Variants in SHB observed in about 807,000 individuals in gnomAD.
The protein encoded by SHB is SH2 domain containing adaptor protein B.
In SHB, 20 loss-of-function variants were observed where a neutral mutation model predicts 52.3. That is an observed-to-expected ratio of 0.38 (90% CI 0.27 to 0.56). The LOEUF (loss-of-function observed/expected upper bound fraction) is 0.56, where lower values mean the gene tolerates loss of function less well. SHB is among the 20% of genes least tolerant of loss of function. The pLI is 0.71. For missense variants in SHB, 825 were observed against 723.3 expected, an observed-to-expected ratio of 1.14 and a Z score of -1.61; for synonymous variants, 397 against 316.5, an observed-to-expected ratio of 1.25 and a Z score of -2.70.
intron 1 of SHB, among the ~76,000 whole-genome samples, chr9:38,020,039 A>G (rs11792678): frequency 0.071 from 10,883 of 152,296 alleles, 491 homozygotes; most frequent in South Asian, 0.11. Flanking sequence ...CTGTATCTCT[A>G]TTAAGTTAAA....
At chr9:37,942,537 C>T (rs992746365) in intron 5 of SHB, among the ~76,000 whole-genome samples, 1 of 152,156 alleles carries the variant, frequency 6.6e-6, no homozygotes, top group East Asian at 1.9e-4. Context: ...CTGCTGCTTC[C>T]GTGGTGATTT....
At chr9:37,950,187 C>T (rs1387660287) in intron 4 of SHB, among the ~76,000 whole-genome samples, 2 of 152,184 alleles carry the variant, frequency 1.3e-5, no homozygotes, top group Non-Finnish European at 2.9e-5. Flanking sequence ...ATCCTCCCAC[C>T]CCACCTCCCA....
chr9:38,059,646 A>G (rs1381343725), intron 1 of SHB, among the ~76,000 whole-genome samples: 1 of 152,206 alleles, frequency 6.6e-6, no homozygotes, highest in Non-Finnish European at 1.5e-5. Flanking sequence ...GGTCTCAGCA[A>G]AGTGTTTCAG....
intron 2 of SHB, among the ~76,000 whole-genome samples, chr9:37,984,229 C>T (rs937009950): frequency 2.6e-5 from 4 of 152,194 alleles, no homozygotes; most frequent in African/African-American, 9.7e-5. Context: ...CTGTCTTTGC[C>T]CACAGAGCCA....
At chr9:38,057,807 A>T (rs1821840208) in intron 1 of SHB, among the ~76,000 whole-genome samples, 1 of 152,218 alleles carries the variant, frequency 6.6e-6, no homozygotes, top group Non-Finnish European at 1.5e-5. Context: ...TTCTCCCCAT[A>T]GCCCATGTAC....
rs1000899100 is a variant in SHB at position 37,965,852 on chromosome 9, G to A, written c.1054+8770C>T. Among the ~76,000 whole-genome samples, 9 of 152,160 alleles carry A rather than the reference G, an allele frequency of 5.9e-5. No homozygotes were observed. In the South Asian group the frequency reaches 1.9e-3, roughly 32 times the overall value. ...GTTTCCTCATCTGTACAGTGGGGGCGGTACTATGCACTGAGAGTTGGGGGC... is the reference window on the plus strand; with the variant it reads ...GTTTCCTCATCTGTACAGTGGGGGCAGTACTATGCACTGAGAGTTGGGGGC... On this transcript the variant is annotated intron_variant, in intron 3 of 5. Transcript: ENST00000377707.
intron 5 of SHB, among the ~76,000 whole-genome samples, chr9:37,943,421 A>G (rs1046427533): frequency 5.9e-5 from 9 of 152,300 alleles, no homozygotes; most frequent in African/African-American, 2.2e-4. Flanking sequence ...GGCAGAGCTC[A>G]TTGGCTGGGC....
At chr9:38,042,789 A>G (rs550043608) in intron 1 of SHB, among the ~76,000 whole-genome samples, 8 of 152,246 alleles carry the variant, frequency 5.3e-5, no homozygotes, top group African/African-American at 1.9e-4. Flanking sequence ...TCGAAGTCGA[A>G]TTCCTGTTAA....
At chr9:38,025,228 C>T (rs10973641) in intron 1 of SHB, among the ~76,000 whole-genome samples, 26,860 of 152,124 alleles carry the variant, frequency 0.18, 2,399 homozygotes, top group South Asian at 0.21. Context: ...AGGTGGGCTC[C>T]GGGCCAGGCT....
intron 5 of SHB, among the ~76,000 whole-genome samples, chr9:37,937,884 C>T (rs894976978): frequency 1.3e-5 from 2 of 152,166 alleles, no homozygotes; most frequent in African/African-American, 4.8e-5. Flanking sequence ...GGTCCTCTTG[C>T]CTTCCTGTGC....
chr9:38,024,154 C>A (rs187692717), intron 1 of SHB, among the ~76,000 whole-genome samples: 2 of 152,358 alleles, frequency 1.3e-5, no homozygotes, highest in South Asian at 4.1e-4. Flanking sequence ...AAGGCCCCTG[C>A]CAAGTACTCC....
At chr9:38,045,944 C>T (rs1353181449) in intron 1 of SHB, among the ~76,000 whole-genome samples, 1 of 152,110 alleles carries the variant, frequency 6.6e-6, no homozygotes, top group Non-Finnish European at 1.5e-5. Context: ...TGAAAAGAGG[C>T]ACCAGGCACA....
At chr9:38,051,524 G>GTCT (rs1393741088) in intron 1 of SHB, among the ~76,000 whole-genome samples, 2 of 151,820 alleles carry the variant, frequency 1.3e-5, no homozygotes, top group Non-Finnish European at 2.9e-5. Context: ...CGGGTTGAGT[G>GTCT]TCTGCACTTT....
chr9:38,032,371 C>T (rs1821426675), intron 1 of SHB, among the ~76,000 whole-genome samples: 1 of 152,224 alleles, frequency 6.6e-6, no homozygotes, highest in African/African-American at 2.4e-5. Context: ...TCTGGCTCTC[C>T]TGGGCTACCT....
At position 37,917,688 on chromosome 9, in the gene SHB, T is replaced by TC. The variant is rs1412594541; in HGVS notation, c.*2132dup. Among the ~76,000 whole-genome samples, 1 of 152,064 alleles carries TC rather than the reference T, an allele frequency of 6.6e-6. No homozygotes were observed. The highest frequency in any genetic ancestry group is 6.6e-5 in the Admixed American group (1 of 15,264). On this transcript the variant is annotated 3_prime_UTR_variant, in exon 6 of 6. Coordinates refer to ENST00000377707, the MANE Select transcript of SHB (RefSeq NM_003028.3). ...TGTCATTTCCCACCTACCTTCCCACTCCCCCAAAGGAAAGCACGAATCGTT... is the reference window on the plus strand; with the variant it reads ...TGTCATTTCCCACCTACCTTCCCACTCCCCCCAAAGGAAAGCACGAATCGTT...
chr9:38,020,734 C>T (rs984864817), intron 1 of SHB, among the ~76,000 whole-genome samples: 2 of 152,192 alleles, frequency 1.3e-5, no homozygotes, highest in East Asian at 3.9e-4. Context: ...CAAACACCAC[C>T]TGTTCTCCAA....
At chr9:37,964,714 A>G (rs1587216687) in intron 3 of SHB, among the ~76,000 whole-genome samples, 1 of 152,268 alleles carries the variant, frequency 6.6e-6, no homozygotes, top group Non-Finnish European at 1.5e-5. Context: ...TGAGTGCAAT[A>G]CAGTCTCAAA....
At chr9:37,991,568 C>T (rs1044360931) in intron 2 of SHB, among the ~76,000 whole-genome samples, 1 of 152,056 alleles carries the variant, frequency 6.6e-6, no homozygotes, top group Non-Finnish European at 1.5e-5. Context: ...CAGAGGTACT[C>T]GATTATTAAA....
chr9:37,938,368 G>A (rs527295869), intron 5 of SHB, among the ~76,000 whole-genome samples: 25 of 152,282 alleles, frequency 1.6e-4, no homozygotes, highest in African/African-American at 4.8e-4. Flanking sequence ...AGCTGTCCTC[G>A]TGGCCTTCCC....
Sources: allele counts gnomAD v4.1 joint callset (sites outside exome capture counted in the v4.1 genomes callset), GRCh38; gene constraint gnomAD v4.1.1; transcripts MANE v1.5; gene names NCBI Gene and HGNC (gene_info 2026-07-23, HGNC 2026-07-21).